Variants in RASSF9 observed in about 807,000 individuals in gnomAD.
RASSF9 encodes the protein ras association domain-containing protein 9.
A neutral mutation model predicts 21.4 loss-of-function variants in RASSF9; 18 were observed. The observed-to-expected ratio is 0.84, with a 90% CI of 0.58 to 1.25. The LOEUF (loss-of-function observed/expected upper bound fraction) is 1.25, where lower values mean the gene tolerates loss of function less well. RASSF9 is among the 50% of genes most tolerant of loss of function. RASSF9 has a pLI of 0.00. For synonymous variants in RASSF9, 183 were observed against 179.1 expected (o/e 1.02, Z -0.18); for missense variants, 480 against 503.2 (o/e 0.95, Z 0.44).
intron 1 of RASSF9, among the ~76,000 whole-genome samples, chr12:85,815,719 GC>G (rs67237874): frequency 0.38 from 57,211 of 151,340 alleles, 11,667 homozygotes; most frequent in African/African-American, 0.51. Flanking sequence ...TTCATATGAC[GC>G]ATTGGTCGCA....
chr12:85,826,983 CTT>C (rs1412707268), intron 1 of RASSF9, among the ~76,000 whole-genome samples: 3 of 152,062 alleles, frequency 2.0e-5, no homozygotes, highest in African/African-American at 7.2e-5. Context: ...TTTTTCCCAA[CTT>C]TTTATATTCT....
In RASSF9 at chr12:85,805,557, A is replaced by T; in HGVS notation, c.453T>A (p.Thr151=). The T allele has an allele frequency of 6.2e-7, 1 of 1,613,862 alleles. No individual in the cohort carries two copies. Among genetic ancestry groups the T allele is most frequent in the East Asian group, 2.2e-5 (1 of 44,884 alleles). ...WELSPANYMK[T]LPPDKQKRIV... ...TTCTTTTTTGTTTATCTGGTGGTAA[A>T]GTCTTCATGTAGTTTGCTGGGCTGA... The change falls in exon 2 of 2, where the codon ACT becomes ACA. Residue 151 remains threonine, a synonymous_variant. Transcript: ENST00000361228.
rs1462533971 is a variant in RASSF9 at position 85,802,933 on chromosome 12, T to A, written c.*1769A>T. ...AGAATTATTACTCTTTATCACTGTA[T>A]TTTTCCATAGAATGGAAATTTCTAT... On this transcript the variant is annotated 3_prime_UTR_variant, in exon 2 of 2. Coordinates refer to ENST00000361228, the MANE Select transcript of RASSF9 (RefSeq NM_005447.4). 5 of 152,104 alleles carry A rather than the reference T, an allele frequency of 3.3e-5. No homozygotes were observed. The highest frequency in any genetic ancestry group is 7.2e-5 in the African/African-American group (3 of 41,436). 9.4% of individuals were successfully genotyped at this position (152,104 alleles called of 1,614,324 possible).
chr12:85,816,094 G>A (rs1880057752), intron 1 of RASSF9, among the ~76,000 whole-genome samples: 1 of 152,004 alleles, frequency 6.6e-6, no homozygotes, highest in Admixed American at 6.6e-5. Context: ...CTTATAAGAG[G>A]GCGCTAAATG....
chr12:85,805,526 T>C lies in RASSF9; in HGVS notation c.484A>G (p.Arg162Gly), dbSNP rs747182575. ...TTAGCCAGTTTCCGGAAAGTTTTCC[T>C]GACTATTCTTTTTTGTTTATCTGGT... ...LPPDKQKRIVRKTFRKLAKIK... is the reference protein window; with the variant it reads ...LPPDKQKRIVGKTFRKLAKIK... The change falls in exon 2 of 2, where the codon AGG becomes GGG. Residue 162 changes from arginine (R) to glycine (G), a missense_variant. Coordinates refer to ENST00000361228, the MANE Select transcript of RASSF9 (RefSeq NM_005447.4). The C allele has an allele frequency of 1.2e-6, 2 of 1,613,992 alleles. No homozygotes were observed. Among genetic ancestry groups the C allele is most frequent in the Admixed American group, 1.7e-5 (1 of 60,022 alleles).
At chr12:85,810,914 T>TTTAC (rs1325033970) in intron 1 of RASSF9, among the ~76,000 whole-genome samples, 1 of 125,176 alleles carries the variant, frequency 8.0e-6, no homozygotes, top group African/African-American at 3.2e-5. Flanking sequence ...ATTTGTTCTG[T>TTTAC]TTTACTTTGT....
chr12:85,833,153 A>G (rs1469997721), intron 1 of RASSF9, among the ~76,000 whole-genome samples: 1 of 151,900 alleles, frequency 6.6e-6, no homozygotes, highest in African/African-American at 2.4e-5. Flanking sequence ...CCATATAATT[A>G]TGTGTCCATC....
At chr12:85,808,350 A>G (rs554656146) in intron 1 of RASSF9, among the ~76,000 whole-genome samples, 35 of 152,236 alleles carry the variant, frequency 2.3e-4, no homozygotes, top group African/African-American at 8.4e-4. Context: ...TACTCAAAAA[A>G]TCACACCAAG....
At chr12:85,806,501 C>T (rs1310507330) in intron 1 of RASSF9, among the ~76,000 whole-genome samples, 1 of 149,830 alleles carries the variant, frequency 6.7e-6, no homozygotes, top group Non-Finnish European at 1.5e-5. Flanking sequence ...GGATAAACCC[C>T]GTCTCTACTA....
chr12:85,812,554 G>GTTTTTAT (rs1443275405), intron 1 of RASSF9, among the ~76,000 whole-genome samples: 1 of 150,938 alleles, frequency 6.6e-6, no homozygotes, highest in Non-Finnish European at 1.5e-5. Context: ...TTTTATCTTA[G>GTTTTTAT]TTTTTACTAT....
intron 1 of RASSF9, among the ~76,000 whole-genome samples, chr12:85,812,814 A>G (rs1039872331): frequency 1.3e-5 from 2 of 151,726 alleles, no homozygotes; most frequent in South Asian, 2.1e-4. Flanking sequence ...TGAACTTACT[A>G]TAGTAGTTAG....
At chr12:85,825,415 C>A (rs1880311151) in intron 1 of RASSF9, among the ~76,000 whole-genome samples, 1 of 151,936 alleles carries the variant, frequency 6.6e-6, no homozygotes, top group Non-Finnish European at 1.5e-5. Flanking sequence ...ATTTCTCAGT[C>A]AATAATCTAG....
intron 1 of RASSF9, among the ~76,000 whole-genome samples, chr12:85,826,113 C>T (rs1176433033): frequency 6.6e-6 from 1 of 152,162 alleles, no homozygotes; most frequent in Non-Finnish European, 1.5e-5. Context: ...TGTCCAAACA[C>T]CAGGTGTTTA....
intron 1 of RASSF9, among the ~76,000 whole-genome samples, chr12:85,835,844 CTGTT>C (rs1565759217): frequency 2.6e-5 from 4 of 152,084 alleles, no homozygotes; most frequent in Non-Finnish European, 4.4e-5. Context: ...AAAAAAGAAA[CTGTT>C]TATGTTGCTA....
At chr12:85,819,581 T>C (rs1442426373) in intron 1 of RASSF9, among the ~76,000 whole-genome samples, 1 of 152,202 alleles carries the variant, frequency 6.6e-6, no homozygotes, top group East Asian at 1.9e-4. Context: ...ATTATGCCCA[T>C]TTTATGGATG....
intron 1 of RASSF9, among the ~76,000 whole-genome samples, chr12:85,817,448 A>G (rs754204878): frequency 5.9e-5 from 9 of 152,072 alleles, no homozygotes; most frequent in Non-Finnish European, 1.5e-5. Context: ...TAATATGACT[A>G]GTTGTCTTTG....
intron 1 of RASSF9, among the ~76,000 whole-genome samples, chr12:85,833,682 G>A (rs1880501177): frequency 6.6e-6 from 1 of 151,912 alleles, no homozygotes; most frequent in Admixed American, 6.6e-5. Context: ...CCTTCTAACA[G>A]TTCATATATT....
In RASSF9 at chr12:85,805,152, T is replaced by G. The variant is rs201757649; in HGVS notation, c.858A>C (p.Glu286Asp). The change falls in exon 2 of 2, where the codon GAA becomes GAC. Residue 286 changes from glutamate (E) to aspartate (D), a missense_variant. Coordinates refer to ENST00000361228, the MANE Select transcript of RASSF9 (RefSeq NM_005447.4). ...AAACACTTTTTACCTCTTTTTCTATTTCAGCAGAGAGCTTATCAATGAGTA... is the reference window on the plus strand; with the variant it reads ...AAACACTTTTTACCTCTTTTTCTATGTCAGCAGAGAGCTTATCAATGAGTA... ...YRILIDKLSA[E>D]IEKEVKSVCI... 2.2e-5 allele frequency: 35 copies of G among 1,613,942 alleles called. 1 individual carries two copies. In the African/African-American group the frequency reaches 4.7e-4, roughly 22 times the overall value.
chr12:85,812,125 G>A (rs760400159), intron 1 of RASSF9, among the ~76,000 whole-genome samples: 13 of 151,602 alleles, frequency 8.6e-5, no homozygotes, highest in Admixed American at 7.9e-4. Flanking sequence ...ATTGGAAATT[G>A]AATGAAAAGC....
Sources: allele counts gnomAD v4.1 joint callset (sites outside exome capture counted in the v4.1 genomes callset), GRCh38; gene constraint gnomAD v4.1.1; transcripts MANE v1.5; gene names NCBI Gene and HGNC (gene_info 2026-07-23, HGNC 2026-07-21).